The following EPHA5 variants were observed in gnomAD, a reference collection of about 807,000 sequenced individuals.
EPHA5 encodes ephrin type-A receptor 5.
In EPHA5, 60 loss-of-function variants were observed where a neutral mutation model predicts 105.0. The ratio of observed to expected loss-of-function variants is 0.57; its 90% CI spans 0.46 to 0.71. EPHA5 has a LOEUF of 0.71. Ranked by LOEUF, EPHA5 falls within the 30% of genes least tolerant of loss-of-function variation. The pLI, the probability that EPHA5 is intolerant of heterozygous loss-of-function variation, is 0.00. For synonymous variants in EPHA5, 513 were observed against 449.1 expected, an observed-to-expected ratio of 1.14 and a Z score of -1.80; for missense variants, 1,218 against 1,274.7, an observed-to-expected ratio of 0.96 and a Z score of 0.68.
At chr4:65,369,899 G>A (rs539660102) in intron 8 of EPHA5, among the ~76,000 whole-genome samples, 6 of 152,118 alleles carry the variant, frequency 3.9e-5, no homozygotes, top group African/African-American at 7.2e-5. Flanking sequence ...TCCAGGAGCC[G>A]GAGGTTGCAG....
intron 5 of EPHA5, among the ~76,000 whole-genome samples, chr4:65,450,709 T>C (rs1726982357): frequency 6.6e-6 from 1 of 152,174 alleles, no homozygotes; most frequent in South Asian, 2.1e-4. Context: ...GCAGCTCAAT[T>C]CATTTTTTTG....
chr4:65,461,152 A>G (rs190776951), intron 5 of EPHA5, among the ~76,000 whole-genome samples: 3 of 152,058 alleles, frequency 2.0e-5, no homozygotes, highest in East Asian at 1.9e-4. Flanking sequence ...GCAATTAGCA[A>G]TAAGAGAGTT....
chr4:65,434,662 CTCTAT>C (rs1442875452), intron 5 of EPHA5, among the ~76,000 whole-genome samples: 1 of 152,078 alleles, frequency 6.6e-6, no homozygotes, highest in African/African-American at 2.4e-5. Context: ...CAAAGCACTT[CTCTAT>C]TCATCACTTC....
intron 3 of EPHA5, among the ~76,000 whole-genome samples, chr4:65,533,374 T>C (rs1736004414): frequency 6.6e-6 from 1 of 152,114 alleles, no homozygotes; most frequent in South Asian, 2.1e-4. Context: ...AGGATAAATA[T>C]TATTATTCTT....
intron 3 of EPHA5, among the ~76,000 whole-genome samples, chr4:65,556,088 G>A (rs532508182): frequency 2.0e-5 from 3 of 152,200 alleles, no homozygotes; most frequent in Non-Finnish European, 4.4e-5. Context: ...TTTATAACAT[G>A]AGAAAGATCT....
rs1029486567 is a variant in EPHA5, at chr4:65,579,320, G to A, written c.910+22321C>T. On this transcript the variant is annotated intron_variant, in intron 3 of 16. Transcript: ENST00000613740. Reference sequence around the variant, plus strand: ...ACAGAAAAGAGATGTAATTGAGAGGGGAATAACCTGCATGTGTAAATATAT... The same window carrying A: ...ACAGAAAAGAGATGTAATTGAGAGGAGAATAACCTGCATGTGTAAATATAT... 1.1e-3 allele frequency among the ~76,000 whole-genome samples: 160 copies of A among 146,330 alleles called. 3 individuals are homozygous for A. Among genetic ancestry groups the A allele is most frequent in the Non-Finnish European group, 2.8e-4 (19 of 66,810 alleles).
At chr4:65,482,300 A>T (rs1730450142) in intron 5 of EPHA5, among the ~76,000 whole-genome samples, 1 of 152,000 alleles carries the variant, frequency 6.6e-6, no homozygotes, top group African/African-American at 2.4e-5. Flanking sequence ...TAAAAAAAAA[A>T]AAAAAACAAC....
intron 5 of EPHA5, among the ~76,000 whole-genome samples, chr4:65,423,086 T>C (rs1225575312): frequency 1.3e-5 from 2 of 152,052 alleles, no homozygotes; most frequent in Non-Finnish European, 2.9e-5. Flanking sequence ...TTTCAAAGTT[T>C]CCTTGATTTG....
At chr4:65,477,895 G>A (rs1403303297) in intron 5 of EPHA5, among the ~76,000 whole-genome samples, 2 of 152,168 alleles carry the variant, frequency 1.3e-5, no homozygotes, top group African/African-American at 4.8e-5. Flanking sequence ...AGAAAGAGAA[G>A]GAACAGAAGG....
rs1319899851 is a variant in EPHA5, at chr4:65,636,825, T to G, written c.246+6538A>C. On this transcript the variant is annotated intron_variant, in intron 2 of 16. Coordinates refer to ENST00000613740, the MANE Select transcript of EPHA5 (RefSeq NM_001281766.3). Reference sequence around the variant, plus strand: ...CCGCCTTTTTCTCCTTGATTCTTCATTCTCAGGACCATAATGCTCCCTTAA... The same window carrying G: ...CCGCCTTTTTCTCCTTGATTCTTCAGTCTCAGGACCATAATGCTCCCTTAA... Among the ~76,000 whole-genome samples the G allele has an allele frequency of 4.6e-5, 7 of 152,106 alleles. 1 individual carries two copies. Among genetic ancestry groups the G allele is most frequent in the Non-Finnish European group, 1.0e-4 (7 of 68,014 alleles).
chr4:65,487,974 A>C (rs1349765202), intron 5 of EPHA5, among the ~76,000 whole-genome samples: 6 of 152,172 alleles, frequency 3.9e-5, no homozygotes, highest in African/African-American at 1.2e-4. Flanking sequence ...GAATGCTGAT[A>C]CTGAGAAGAA....
intron 3 of EPHA5, among the ~76,000 whole-genome samples, chr4:65,545,513 A>G (rs1393277238): frequency 6.6e-6 from 1 of 151,914 alleles, no homozygotes; most frequent in Non-Finnish European, 1.5e-5. Flanking sequence ...TTATTTTTTC[A>G]GACCAAGAGG....
intron 3 of EPHA5, among the ~76,000 whole-genome samples, chr4:65,532,900 C>G (rs975260333): frequency 4.6e-5 from 7 of 152,194 alleles, no homozygotes; most frequent in African/African-American, 1.7e-4. Context: ...TTGTCATACA[C>G]AGTTCATTCG....
At chr4:65,665,555 A>AC (rs1407628063) in intron 1 of EPHA5, among the ~76,000 whole-genome samples, 7 of 152,134 alleles carry the variant, frequency 4.6e-5, no homozygotes, top group Non-Finnish European at 4.4e-5. Context: ...TAAAAAGTGC[A>AC]CCTTTTTTTC....
intron 6 of EPHA5, among the ~76,000 whole-genome samples, chr4:65,416,983 T>A (rs1036299975): frequency 1.3e-5 from 2 of 152,218 alleles, no homozygotes; most frequent in Admixed American, 6.5e-5. Context: ...GGGCAGTGAC[T>A]TTTCCTGCCT....
At chr4:65,489,351 G>A (rs1341746185) in intron 5 of EPHA5, among the ~76,000 whole-genome samples, 1 of 152,118 alleles carries the variant, frequency 6.6e-6, no homozygotes, top group African/African-American at 2.4e-5. Context: ...CACTAATATT[G>A]TATAAACTAA....
At chr4:65,527,164 A>G (rs932117290) in intron 3 of EPHA5, among the ~76,000 whole-genome samples, 10 of 152,116 alleles carry the variant, frequency 6.6e-5, no homozygotes, top group Admixed American at 5.9e-4. Flanking sequence ...CATATTTACT[A>G]TACTAACATT....
intron 8 of EPHA5, among the ~76,000 whole-genome samples, chr4:65,387,952 T>C (rs1158517390): frequency 1.3e-4 from 3 of 22,936 alleles, no homozygotes; most frequent in Non-Finnish European, 2.5e-4. Context: ...TATCTCCTAA[T>C]GCTATCCCTC....
intron 3 of EPHA5, among the ~76,000 whole-genome samples, chr4:65,589,137 C>T (rs1279754887): frequency 6.6e-6 from 1 of 152,030 alleles, no homozygotes; most frequent in Non-Finnish European, 1.5e-5. Flanking sequence ...TGGTTTCTAA[C>T]ATTATGTACT....
Sources: allele counts gnomAD v4.1 joint callset (sites outside exome capture counted in the v4.1 genomes callset), GRCh38; gene constraint gnomAD v4.1.1; transcripts MANE v1.5; gene names NCBI Gene and HGNC (gene_info 2026-07-23, HGNC 2026-07-21).